The following PTPRG variants were observed in gnomAD, a reference collection of about 807,000 sequenced individuals.
PTPRG encodes protein tyrosine phosphatase receptor type G.
A neutral mutation model predicts 165.3 loss-of-function variants in PTPRG; 102 were observed. The observed-to-expected ratio is 0.62, with a 90% CI of 0.53 to 0.73. The LOEUF (loss-of-function observed/expected upper bound fraction) is 0.73. Among genes scored for constraint, PTPRG ranks in the 30% least tolerant of loss-of-function variants. PTPRG has a pLI of 0.00. For missense variants in PTPRG, 1,866 were observed against 1,861.4 expected, an observed-to-expected ratio of 1.00 and a Z score of -0.05; for synonymous variants, 675 against 669.5, an observed-to-expected ratio of 1.01 and a Z score of -0.13.
intron 15 of PTPRG, among the ~76,000 whole-genome samples, chr3:62,249,110 T>C (rs554448836): frequency 6.6e-6 from 1 of 152,300 alleles, no homozygotes; most frequent in South Asian, 2.1e-4. Context: ...GGAAATAAAA[T>C]GTTCCAACCT....
intron 1 of PTPRG, among the ~76,000 whole-genome samples, chr3:61,607,956 A>C (rs566832635): frequency 5.9e-5 from 9 of 152,240 alleles, no homozygotes; most frequent in African/African-American, 1.9e-4. Context: ...GATCATTCTA[A>C]TATTTCCAGA....
chr3:61,697,320 G>C (rs774687586), intron 1 of PTPRG, among the ~76,000 whole-genome samples: 1 of 152,080 alleles, frequency 6.6e-6, no homozygotes, highest in Non-Finnish European at 1.5e-5. Flanking sequence ...AAAGAAAATT[G>C]GAAGGGCTTC....
At chr3:62,158,725 A>G (rs936641221) in intron 7 of PTPRG, among the ~76,000 whole-genome samples, 8 of 152,350 alleles carry the variant, frequency 5.3e-5, no homozygotes, top group Admixed American at 4.6e-4. Flanking sequence ...ATGTAAGGCC[A>G]GGCTGAACAA....
At chr3:62,236,185 C>G (rs980875945) in intron 14 of PTPRG, among the ~76,000 whole-genome samples, 1 of 152,228 alleles carries the variant, frequency 6.6e-6, no homozygotes, top group Non-Finnish European at 1.5e-5. Context: ...TTAGAACTTA[C>G]ATTGGGCTCC....
chr3:62,161,207 T>C (rs1704747730), intron 7 of PTPRG, among the ~76,000 whole-genome samples: 1 of 152,186 alleles, frequency 6.6e-6, no homozygotes, highest in African/African-American at 2.4e-5. Context: ...GGAAGTGCTT[T>C]GGAGATATTA....
At chr3:62,226,857 T>A (rs1700775109) in intron 13 of PTPRG, among the ~76,000 whole-genome samples, 1 of 152,190 alleles carries the variant, frequency 6.6e-6, no homozygotes, top group Non-Finnish European at 1.5e-5. Flanking sequence ...AGGTCTCTCT[T>A]TTACTCTAAG....
chr3:61,893,794 T>A (rs1306408272), intron 2 of PTPRG, among the ~76,000 whole-genome samples: 1 of 152,230 alleles, frequency 6.6e-6, no homozygotes, highest in South Asian at 2.1e-4. Flanking sequence ...CCAGTTGGTA[T>A]GGTTAGGGAA....
At chr3:62,065,426 A>AGT (rs2106706098) in intron 4 of PTPRG, among the ~76,000 whole-genome samples, 1 of 152,306 alleles carries the variant, frequency 6.6e-6, no homozygotes, top group East Asian at 1.9e-4. Flanking sequence ...GAACTGTTGA[A>AGT]GTGATGGACA....
intron 5 of PTPRG, among the ~76,000 whole-genome samples, chr3:62,126,668 T>TA (rs1211589594): frequency 2.0e-5 from 3 of 152,248 alleles, no homozygotes; most frequent in Non-Finnish European, 4.4e-5. Context: ...AGATTAGGCT[T>TA]AATGTATGAT....
In PTPRG at chr3:62,131,708, A is replaced by G. The variant is rs143375359; in HGVS notation, c.616-894A>G. 4.5e-3 allele frequency among the ~76,000 whole-genome samples: 686 copies of G among 152,284 alleles called. 4 individuals are homozygous for G. Among genetic ancestry groups the G allele is most frequent in the South Asian group, 0.012 (58 of 4,820 alleles). ...AACTTAAATATACATAAAAGTAAAG[A>G]AAATTGTATAATGACCCATCCTATA... On this transcript the variant is annotated intron_variant, in intron 5 of 29. Transcript: ENST00000474889.
intron 8 of PTPRG, among the ~76,000 whole-genome samples, chr3:62,177,278 C>A (rs980589996): frequency 6.6e-6 from 1 of 152,108 alleles, no homozygotes; most frequent in African/African-American, 2.4e-5. Context: ...CACAGTGAGA[C>A]CCTGTCTCAA....
chr3:62,072,324 A>G (rs1471186704), intron 4 of PTPRG, among the ~76,000 whole-genome samples: 1 of 152,066 alleles, frequency 6.6e-6, no homozygotes, highest in Non-Finnish European at 1.5e-5. Context: ...TTTTAATGTG[A>G]GTTGTTTTGC....
chr3:62,197,604 A>C (rs1336745640), intron 10 of PTPRG, among the ~76,000 whole-genome samples: 1 of 152,172 alleles, frequency 6.6e-6, no homozygotes, highest in African/African-American at 2.4e-5. Flanking sequence ...GAAGGAAGGC[A>C]GACTGGGAGC....
intron 5 of PTPRG, among the ~76,000 whole-genome samples, chr3:62,128,358 T>G (rs1027026226): frequency 1.8e-4 from 27 of 152,176 alleles, no homozygotes; most frequent in African/African-American, 3.6e-4. Flanking sequence ...TCACTTCTCA[T>G]GTGGCTTTAA....
rs1173192341 is a variant in PTPRG at position 61,621,051 on chromosome 3, A to ATGTGTGTGTGTGTGTG, written c.85+58691_85+58706dup. Among the ~76,000 whole-genome samples the ATGTGTGTGTGTGTGTG allele has an allele frequency of 8.9e-4, 105 of 117,640 alleles. 1 individual carries two copies. Among genetic ancestry groups the ATGTGTGTGTGTGTGTG allele is most frequent in the East Asian group, 2.5e-3 (9 of 3,596 alleles). 77.2% of individuals were successfully genotyped at this position (117,640 alleles called of 152,430 possible). ...TGTGTGTGTATATATATATATATATATGTGTGTGTGTGTGTGTGTGTGTGT... is the reference window on the plus strand; with the variant it reads ...TGTGTGTGTATATATATATATATATATGTGTGTGTGTGTGTGTGTGTGTGTGTGTGTGTGTGTGTGT... On this transcript the variant is annotated intron_variant, in intron 1 of 29. Transcript: ENST00000474889.
rs542306888 is a variant in PTPRG, at chr3:62,069,684, T to TCTCTCTCTCTCTCTCACACACA, written c.520-8478_520-8477insTCTCTCTCTCTCTCACACACAC. ...CTCTCTCTCTCTCTCTCTCTCTCTCTCACACACAGACACACGCACACACAC... is the reference window on the plus strand; with the variant it reads ...CTCTCTCTCTCTCTCTCTCTCTCTCTCTCTCTCTCTCTCTCACACACACACACACAGACACACGCACACACAC... On this transcript the variant is annotated intron_variant, in intron 4 of 29. Coordinates refer to ENST00000474889, the MANE Select transcript of PTPRG (RefSeq NM_002841.4). Among the ~76,000 whole-genome samples, 7 of 145,062 alleles carry TCTCTCTCTCTCTCTCACACACA rather than the reference T, an allele frequency of 4.8e-5. No individual in the cohort carries two copies. The East Asian group carries it at 8.8e-4, about 18-fold the overall frequency.
rs745504638 is a variant in PTPRG, at chr3:61,562,358, T to C, written c.71T>C (p.Val24Ala). The change falls in exon 1 of 30, where the codon GTC (valine) becomes GCC (alanine). Residue 24 changes from valine (V) to alanine (A), a missense_variant. Around this residue, in one of 3 missense-constraint regions of PTPRG, gnomAD observed 408 missense variants for 376.2 expected, o/e 1.08. Coordinates refer to ENST00000474889, the MANE Select transcript of PTPRG (RefSeq NM_002841.4). ...ATCACCAGTTCCGTGCTCCATTATGTCGTGTGCTTCCCCGGTGAGTGCCGG... is the reference window on the plus strand; with the variant it reads ...ATCACCAGTTCCGTGCTCCATTATGCCGTGTGCTTCCCCGGTGAGTGCCGG... ...LKITSSVLHY[V>A]VCFPALTEGY... 8 of 1,613,532 alleles carry C rather than the reference T, an allele frequency of 5.0e-6. No homozygotes were observed. The East Asian group carries it at 8.9e-5, about 18-fold the overall frequency.
rs182579191 is a variant in PTPRG at position 62,031,616 on chromosome 3, G to A, written c.519+28119G>A. Among the ~76,000 whole-genome samples the A allele has an allele frequency of 2.0e-3, 298 of 152,290 alleles. 2 individuals carry two copies. Among genetic ancestry groups the A allele is most frequent in the African/African-American group, 6.9e-3 (285 of 41,552 alleles). On this transcript the variant is annotated intron_variant, in intron 4 of 29. Coordinates refer to ENST00000474889, the MANE Select transcript of PTPRG (RefSeq NM_002841.4). ...GACCGGGAATGGGGAATGGATGGTG[G>A]GATGGAATGACCTGCAGTGTAAAAT...
chr3:61,686,989 T>G (rs1202240006), intron 1 of PTPRG, among the ~76,000 whole-genome samples: 1 of 152,176 alleles, frequency 6.6e-6, no homozygotes, highest in Non-Finnish European at 1.5e-5. Flanking sequence ...ATACATACAT[T>G]ATCAGTTCAG....
Sources: allele counts gnomAD v4.1 joint callset (sites outside exome capture counted in the v4.1 genomes callset), GRCh38; gene constraint gnomAD v4.1.1; regional missense constraint gnomAD v4.1.1; transcripts MANE v1.5; gene names NCBI Gene and HGNC (gene_info 2026-07-23, HGNC 2026-07-21).